Variants in ARF4 observed in about 807,000 individuals in gnomAD.
ARF4 encodes the protein ARF GTPase 4.
A neutral mutation model predicts 24.3 loss-of-function variants in ARF4; 5 were observed. The ratio of observed to expected loss-of-function variants is 0.21; its 90% CI spans 0.11 to 0.43. ARF4 has a LOEUF of 0.43. Among genes scored for constraint, ARF4 ranks in the 20% least tolerant of loss-of-function variants. The pLI is 1.00. For synonymous variants in ARF4, 62 were observed against 73.5 expected (o/e 0.84, Z 0.80); for missense variants, 107 against 213.0 (o/e 0.50, Z 3.10).
intron 1 of ARF4, among the ~76,000 whole-genome samples, chr3:57,589,138 A>G (rs6445914): frequency 0.39 from 58,482 of 151,476 alleles, 12,623 homozygotes; most frequent in South Asian, 0.56. Flanking sequence ...GTGATGGCAC[A>G]TGCCTGTAGT....
chr3:57,577,464 G>T, intron 3 of ARF4, 77 bp from the exon 4 acceptor site: 1 of 1,116,006 alleles, frequency 9.0e-7, no homozygotes, highest in Non-Finnish European at 1.3e-6. Context: ...CAGCAAAATG[G>T]TACCAATGGT....
intron 3 of ARF4, among the ~76,000 whole-genome samples, chr3:57,579,695 T>G (rs2069948086): frequency 6.6e-6 from 1 of 152,218 alleles, no homozygotes; most frequent in Non-Finnish European, 1.5e-5. Flanking sequence ...TTCCTTTGTT[T>G]TAGCAAATTG....
At chr3:57,584,964 A>C (rs2070019417) in intron 1 of ARF4, among the ~76,000 whole-genome samples, 1 of 152,110 alleles carries the variant, frequency 6.6e-6, no homozygotes, top group South Asian at 2.1e-4. Flanking sequence ...CCCGGGTTCG[A>C]GCAATTCTCC....
chr3:57,582,595 T>C (rs2069988421), intron 3 of ARF4, among the ~76,000 whole-genome samples: 1 of 152,150 alleles, frequency 6.6e-6, no homozygotes, highest in African/African-American at 2.4e-5. Context: ...TATGACATAC[T>C]ATGTAAACCT....
intron 4 of ARF4, 135 bp from the exon 5 acceptor site, chr3:57,575,808 T>C: frequency 1.0e-6 from 1 of 985,720 alleles, no homozygotes; most frequent in Non-Finnish European, 1.4e-6. Flanking sequence ...AAGTTCACTC[T>C]TACAACTGAA....
chr3:57,589,881 A>G (rs1301875118), intron 1 of ARF4, among the ~76,000 whole-genome samples: 1 of 151,156 alleles, frequency 6.6e-6, no homozygotes, highest in African/African-American at 2.4e-5. Flanking sequence ...TCATGAGGCC[A>G]GGAGTTTGAA....
At chr3:57,584,189 C>T (rs1329588901) in intron 2 of ARF4, 182 bp from the exon 3 acceptor site, 1 of 706,696 alleles carries the variant, frequency 1.4e-6, no homozygotes, top group Non-Finnish European at 2.4e-6. Flanking sequence ...TCTTGAACTC[C>T]TGGGCTCAAG....
At chr3:57,594,968 G>A (rs1487255472) in intron 1 of ARF4, among the ~76,000 whole-genome samples, 1 of 152,154 alleles carries the variant, frequency 6.6e-6, no homozygotes, top group Non-Finnish European at 1.5e-5. Flanking sequence ...TGTGACTGAA[G>A]TGTTTTTTAG....
At chr3:57,582,836 T>A (rs113369225) in intron 3 of ARF4, among the ~76,000 whole-genome samples, 2 of 152,248 alleles carry the variant, frequency 1.3e-5, no homozygotes, top group South Asian at 2.1e-4. Context: ...TAAACAAAGG[T>A]AGAGTGAGAA....
At chr3:57,595,435 C>T (rs1003353773) in intron 1 of ARF4, among the ~76,000 whole-genome samples, 1 of 152,174 alleles carries the variant, frequency 6.6e-6, no homozygotes, top group Non-Finnish European at 1.5e-5. Flanking sequence ...CTTAAATATG[C>T]TTGCCCTCCT....
chr3:57,580,739 A>G (rs575644601), intron 3 of ARF4, among the ~76,000 whole-genome samples: 2 of 151,050 alleles, frequency 1.3e-5, no homozygotes, highest in Non-Finnish European at 3.0e-5. Flanking sequence ...AAAGGGACCT[A>G]ATTTTATTTT....
In ARF4 at chr3:57,572,178, T is replaced by C. The variant is rs1240816844; in HGVS notation, c.*34A>G. The C allele has an allele frequency of 6.4e-7, 1 of 1,565,572 alleles. No homozygotes were observed. Among genetic ancestry groups the C allele is most frequent in the Admixed American group, 1.7e-5 (1 of 59,772 alleles). On this transcript the variant is annotated 3_prime_UTR_variant, in exon 6 of 6. Transcript: ENST00000303436. ...TTGTAACAAGCCTAGACCAATTTTA[T>C]CAAACATGTCCTTGGTTAGATATCC...
chr3:57,585,418 C>T (rs781709656), intron 1 of ARF4, among the ~76,000 whole-genome samples: 2 of 152,026 alleles, frequency 1.3e-5, no homozygotes, highest in African/African-American at 2.4e-5. Context: ...GCCAATTTTA[C>T]CCCTGCTTAA....
chr3:57,572,089 G>A lies in ARF4; in HGVS notation c.*123C>T, dbSNP rs1041323960. On this transcript the variant is annotated 3_prime_UTR_variant, in exon 6 of 6. Coordinates refer to ENST00000303436, the MANE Select transcript of ARF4 (RefSeq NM_001660.4). ...TAAACAATAATTGGCAACAAAATAAGTTTAATATTCTGCCCAAACCAGTCC... is the reference window on the plus strand; with the variant it reads ...TAAACAATAATTGGCAACAAAATAAATTTAATATTCTGCCCAAACCAGTCC... The A allele has an allele frequency of 1.5e-5, 11 of 713,566 alleles. No individual in the cohort carries two copies. In the South Asian group the frequency reaches 2.0e-4, roughly 13 times the overall value. The allele number at this position is 713,566 out of a possible 1,614,324, so 44.2% of individuals were successfully genotyped here.
At chr3:57,583,310 A>G (rs771696100) in intron 3 of ARF4, among the ~76,000 whole-genome samples, 4 of 152,146 alleles carry the variant, frequency 2.6e-5, no homozygotes, top group Non-Finnish European at 4.4e-5. Context: ...TTCTGATTCA[A>G]GTCATCTAGG....
intron 1 of ARF4, among the ~76,000 whole-genome samples, chr3:57,591,190 A>G (rs2153409376): frequency 6.6e-6 from 1 of 152,326 alleles, no homozygotes; most frequent in East Asian, 1.9e-4. Flanking sequence ...GACGGTTACC[A>G]TGACACAATT....
intron 1 of ARF4, among the ~76,000 whole-genome samples, chr3:57,587,402 A>G (rs894967598): frequency 2.0e-5 from 3 of 151,732 alleles, no homozygotes; most frequent in Non-Finnish European, 2.9e-5. Context: ...AATCATGACT[A>G]TATCATTTTA....
At chr3:57,584,511 C>T in intron 1 of ARF4, 47 bp from the exon 2 acceptor site, 1 of 1,454,526 alleles carries the variant, frequency 6.9e-7, no homozygotes, top group Non-Finnish European at 9.5e-7. Context: ...AAAGCACACT[C>T]CAAGAAATAA....
intron 4 of ARF4, among the ~76,000 whole-genome samples, chr3:57,576,991 G>A (rs2069913303): frequency 6.6e-6 from 1 of 151,638 alleles, no homozygotes; most frequent in Admixed American, 6.6e-5. Flanking sequence ...GTAAAGTAAG[G>A]GACTGAGCTA....
Sources: gnomAD v4.1 joint callset for allele counts (sites outside exome capture counted in the v4.1 genomes callset) on GRCh38, gnomAD v4.1.1 for gene constraint, MANE v1.5 for transcripts, NCBI Gene and HGNC (gene_info 2026-07-23, HGNC 2026-07-21) for gene names.